The following PPM1A variants were observed in gnomAD, a reference collection of about 807,000 sequenced individuals.
PPM1A encodes the protein protein phosphatase 1A.
A neutral mutation model predicts 35.0 loss-of-function variants in PPM1A; 7 were observed. The observed-to-expected ratio is 0.20, with a 90% CI of 0.11 to 0.38. The LOEUF (loss-of-function observed/expected upper bound fraction) is 0.38. Among genes scored for constraint, PPM1A ranks in the 10% least tolerant of loss-of-function variants. The pLI is 1.00. For synonymous variants in PPM1A, 153 were observed against 167.3 expected (o/e 0.91, Z 0.66); for missense variants, 239 against 467.8 (o/e 0.51, Z 4.51).
intron 2 of PPM1A, among the ~76,000 whole-genome samples, chr14:60,284,416 C>A (rs1022696922): frequency 1.3e-5 from 2 of 151,926 alleles, no homozygotes; most frequent in African/African-American, 4.8e-5. Context: ...CCGAGGTGGG[C>A]GGATCACGAG....
chr14:60,265,625 C>T (rs772331396), intron 1 of PPM1A, among the ~76,000 whole-genome samples: 7 of 152,190 alleles, frequency 4.6e-5, no homozygotes, highest in Admixed American at 4.6e-4. Context: ...GTGTTGCTAT[C>T]ACAGAATATC....
In PPM1A at chr14:60,282,965, T is replaced by A. The variant is rs1886573782; in HGVS notation, c.262T>A (p.Ser88Thr). The A allele has an allele frequency of 6.2e-7, 1 of 1,614,202 alleles. No homozygotes were observed. The highest frequency in any genetic ancestry group is 2.2e-5 in the East Asian group (1 of 44,878). Reference sequence around the variant, plus strand: ...CACCAATAACCAGGATTTTAAAGGGTCTGCAGGAGCACCTTCTGTGGAAAA... The same window carrying A: ...CACCAATAACCAGGATTTTAAAGGGACTGCAGGAGCACCTTCTGTGGAAAA... ...HITNNQDFKG[S>T]AGAPSVENVK... Residue 88 changes from serine to threonine, a missense_variant, in exon 2 of 6, where the codon TCT becomes ACT. Ser to Thr is a moderately conservative substitution (Grantham distance 58). Transcript: ENST00000395076. The surrounding 1 kb of genome is among the most constrained non-coding windows in gnomAD (Gnocchi z 5.1).
chr14:60,257,548 T>C (rs1883274271), intron 1 of PPM1A, among the ~76,000 whole-genome samples: 2 of 152,216 alleles, frequency 1.3e-5, no homozygotes, highest in Admixed American at 1.3e-4. Flanking sequence ...AAGTAAACAT[T>C]CTTTTTTTAG....
Position 60,283,369 on chromosome 14 carries a change from T to C in PPM1A, c.666T>C (p.His222=). Reference sequence around the variant, plus strand: ...TTGTCTCACCAGAGCCTGAAGTCCATGATATTGAAAGATCTGAAGAAGATG... The same window carrying C: ...TTGTCTCACCAGAGCCTGAAGTCCACGATATTGAAAGATCTGAAGAAGATG... The part of the protein sequence containing the change: ...EQLVSPEPEV[H]DIERSEEDDQ... The change falls in exon 2 of 6, where the codon CAT becomes CAC. Residue 222 remains histidine, a synonymous_variant. Coordinates refer to ENST00000395076, the MANE Select transcript of PPM1A (RefSeq NM_021003.5). The surrounding 1 kb of genome is among the most constrained non-coding windows in gnomAD (Gnocchi z 6.3). 4.3e-6 allele frequency: 7 copies of C among 1,614,170 alleles called. No individual in the cohort carries two copies. Among genetic ancestry groups the C allele is most frequent in the Non-Finnish European group, 5.9e-6 (7 of 1,180,026 alleles).
At position 60,295,385 on chromosome 14, in the gene PPM1A, G is replaced by C. The variant is rs1887980077; in HGVS notation, c.*2903G>C. The C allele has an allele frequency of 6.6e-6, 1 of 151,598 alleles. No individual in the cohort carries two copies. The highest frequency in any genetic ancestry group is 6.6e-5 in the Admixed American group (1 of 15,182). The allele number at this position is 151,598 out of a possible 1,614,324, so 9.4% of individuals were successfully genotyped here. A position where few individuals can be genotyped will look rare whatever the true frequency, so the allele number is the denominator to read the frequency against. On this transcript the variant is annotated 3_prime_UTR_variant, in exon 6 of 6. Transcript: ENST00000395076. ...AAAGTGATAACTTAATTCAGCTTTGGAAGTATCTCAAACATATTTTTACTT... is the reference window on the plus strand; with the variant it reads ...AAAGTGATAACTTAATTCAGCTTTGCAAGTATCTCAAACATATTTTTACTT...
rs1888264837 is a variant in PPM1A, at chr14:60,299,003, G to T, written c.*6521G>T. On this transcript the variant is annotated 3_prime_UTR_variant, in exon 6 of 6. Coordinates refer to ENST00000395076, the MANE Select transcript of PPM1A (RefSeq NM_021003.5). This position sits in a 1 kb window ranked among gnomAD's most constrained non-coding sequence, Gnocchi z 4.2. ...AAAAATTGCATTCAGCCTGCGAATG[G>T]TTGCAGATTGTATGTTAGATGAAAA... 3 of 151,834 alleles carry T rather than the reference G, an allele frequency of 2.0e-5. No homozygotes were observed. Among genetic ancestry groups the T allele is most frequent in the Non-Finnish European group, 4.4e-5 (3 of 67,784 alleles). The allele number at this position is 151,834 out of a possible 1,614,324, so 9.4% of individuals were successfully genotyped here. A position where few individuals can be genotyped will look rare whatever the true frequency, so the allele number is the denominator to read the frequency against.
chr14:60,277,049 G>A, intron 1 of PPM1A: 6 of 1,212,564 alleles, frequency 4.9e-6, no homozygotes, highest in Non-Finnish European at 6.3e-6. Context: ...TACTAGTGCT[G>A]TGATGAGACT....
intron 1 of PPM1A, among the ~76,000 whole-genome samples, chr14:60,258,807 T>G (rs1883425855): frequency 1.3e-5 from 2 of 152,104 alleles, no homozygotes; most frequent in Non-Finnish European, 1.5e-5. Context: ...CATGTATTCG[T>G]CAAGTGTCAT....
Position 60,289,767 on chromosome 14 carries a change from T to C in PPM1A, c.953-39T>C. Reference sequence around the variant, plus strand: ...GTTTCGGTTTTCTTTTCAATTAAATTTGGATAACACTTACAAAAAAAGTAC... The same window carrying C: ...GTTTCGGTTTTCTTTTCAATTAAATCTGGATAACACTTACAAAAAAAGTAC... On this transcript the variant is annotated intron_variant, in intron 3 of 5. Coordinates refer to ENST00000395076, the MANE Select transcript of PPM1A (RefSeq NM_021003.5). This position sits in a 1 kb window ranked among gnomAD's most constrained non-coding sequence, Gnocchi z 4.1. The C allele has an allele frequency of 2.2e-6, 3 of 1,348,710 alleles. No individual in the cohort carries two copies. The highest frequency in any genetic ancestry group is 3.2e-6 in the Non-Finnish European group (3 of 952,252). The allele number at this position is 1,348,710 out of a possible 1,614,324, so 83.5% of individuals were successfully genotyped here. A position where few individuals can be genotyped will look rare whatever the true frequency, so the allele number is the denominator to read the frequency against.
chr14:60,286,688 T>C (rs1473899621), intron 3 of PPM1A: 9 of 984,724 alleles, frequency 9.1e-6, no homozygotes, highest in African/African-American at 5.2e-5. Context: ...TAATTTTTTT[T>C]CCCCTTTTTA....
In PPM1A at chr14:60,283,437, T is replaced by C. The variant is rs1336936229; in HGVS notation, c.734T>C (p.Met245Thr). ...GCATGTGATGGTATCTGGGATGTTA[T>C]GGGAAATGAAGAGCTCTGTGATTTT... ...ILACDGIWDV[M>T]GNEELCDFVR... Residue 245 changes from methionine (M) to threonine (T), a missense_variant, in exon 2 of 6, where the codon ATG becomes ACG. This residue lies in a region of PPM1A where 175 missense variants were observed against 389.2 expected (regional missense o/e 0.45). Coordinates refer to ENST00000395076, the MANE Select transcript of PPM1A (RefSeq NM_021003.5). The surrounding 1 kb of genome is among the most constrained non-coding windows in gnomAD (Gnocchi z 6.3). The C allele has an allele frequency of 3.1e-6, 5 of 1,614,070 alleles. No homozygotes were observed. The highest frequency in any genetic ancestry group is 1.7e-5 in the Admixed American group (1 of 60,006).
chr14:60,246,064 A>C (rs1333292451), upstream of PPM1A: 16 of 1,557,108 alleles, frequency 1.0e-5, no homozygotes, highest in Non-Finnish European at 1.4e-5. Flanking sequence ...GGGAGGAAGG[A>C]ATTGTTGAAC....
chr14:60,278,548 C>CA (rs1886027772), intron 1 of PPM1A, among the ~76,000 whole-genome samples: 1 of 152,162 alleles, frequency 6.6e-6, no homozygotes, highest in African/African-American at 2.4e-5. Context: ...TTCCTGAAGC[C>CA]ATCCTCTTTT....
Position 60,298,664 on chromosome 14 carries a change from A to T in PPM1A, c.*6182A>T, listed in dbSNP as rs779522264. Reference sequence around the variant, plus strand: ...AGTGATTGATTTCACTCTTGAAATGAGTTATATCACTTAATTTGTATAAAT... The same window carrying T: ...AGTGATTGATTTCACTCTTGAAATGTGTTATATCACTTAATTTGTATAAAT... On this transcript the variant is annotated 3_prime_UTR_variant, in exon 6 of 6. Coordinates refer to ENST00000395076, the MANE Select transcript of PPM1A (RefSeq NM_021003.5). 6 of 151,806 alleles carry T rather than the reference A, an allele frequency of 4.0e-5. No individual in the cohort carries two copies. The highest frequency in any genetic ancestry group is 7.4e-5 in the Non-Finnish European group (5 of 67,754). 9.4% of individuals were successfully genotyped at this position (151,806 alleles called of 1,614,324 possible). A position where few individuals can be genotyped will look rare whatever the true frequency, so the allele number is the denominator to read the frequency against.
chr14:60,264,157 A>G (rs1369428282), intron 1 of PPM1A, among the ~76,000 whole-genome samples: 3 of 152,102 alleles, frequency 2.0e-5, no homozygotes, highest in African/African-American at 7.2e-5. Context: ...TTTGTGTGAA[A>G]GTATATTTTA....
intron 1 of PPM1A, chr14:60,268,330 A>G (rs1292691733): frequency 2.0e-6 from 2 of 983,330 alleles, no homozygotes; most frequent in African/African-American, 3.5e-5. Context: ...TGAAAAAAAA[A>G]AAATTTGTTT....
At chr14:60,285,800 A>G (rs780759621) in intron 3 of PPM1A, 59 bp downstream of exon 3, 2 of 1,589,576 alleles carry the variant, frequency 1.3e-6, no homozygotes, top group South Asian at 1.1e-5. Flanking sequence ...AACACAATCA[A>G]ACTTTAACAT....
chr14:60,297,138 A>G lies in PPM1A; in HGVS notation c.*4656A>G, dbSNP rs1186445943. The G allele has an allele frequency of 6.6e-6, 1 of 151,934 alleles. No homozygotes were observed. Among genetic ancestry groups the G allele is most frequent in the African/African-American group, 2.4e-5 (1 of 41,378 alleles). 9.4% of individuals were successfully genotyped at this position (151,934 alleles called of 1,614,324 possible). ...TTGGTGTTTTCTCTTTTTTTCAAACAGAAACAGGCCAATTCCATTTTCTTG... is the reference window on the plus strand; with the variant it reads ...TTGGTGTTTTCTCTTTTTTTCAAACGGAAACAGGCCAATTCCATTTTCTTG... On this transcript the variant is annotated 3_prime_UTR_variant, in exon 6 of 6. Coordinates refer to ENST00000395076, the MANE Select transcript of PPM1A (RefSeq NM_021003.5).
At chr14:60,255,296 C>A (rs1415151425) in intron 1 of PPM1A, among the ~76,000 whole-genome samples, 1 of 149,430 alleles carries the variant, frequency 6.7e-6, no homozygotes, top group Non-Finnish European at 1.5e-5. Context: ...CTCAGCCTCC[C>A]GAGTAGCTGG....
Sources: gnomAD v4.1 joint callset for allele counts (sites outside exome capture counted in the v4.1 genomes callset) on GRCh38, gnomAD v4.1.1 for gene constraint, gnomAD v4.1.1 regional missense constraint, Gnocchi (gnomAD v3.1) non-coding constraint, MANE v1.5 for transcripts, NCBI Gene and HGNC (gene_info 2026-07-23, HGNC 2026-07-21) for gene names.